NBEA: variants seen among roughly 807,000 people sequenced by gnomAD.
The protein encoded by NBEA is neurobeachin, also known as lysosomal-trafficking regulator 2.
NBEA carries 44 observed loss-of-function variants against 343.4 expected under a neutral mutation model. That is an observed-to-expected ratio of 0.13 (90% CI 0.10 to 0.16). The LOEUF is 0.16. NBEA is among the 10% of genes least tolerant of loss of function. The pLI is 1.00. For synonymous variants in NBEA, 1,175 were observed against 1,238.7 expected, an observed-to-expected ratio of 0.95 and a Z score of 1.08; for missense variants, 2,555 against 3,631.3, an observed-to-expected ratio of 0.70 and a Z score of 7.62.
At chr13:35,272,273 A>G (rs1594028270) in intron 34 of NBEA, among the ~76,000 whole-genome samples, 1 of 152,216 alleles carries the variant, frequency 6.6e-6, no homozygotes, top group African/African-American at 2.4e-5. Context: ...TAAGTGAAGG[A>G]GAAATAAAAT....
intron 10 of NBEA, among the ~76,000 whole-genome samples, chr13:35,090,176 G>A (rs1296394534): frequency 1.3e-5 from 2 of 151,900 alleles, no homozygotes; most frequent in African/African-American, 2.4e-5. Context: ...AAAGGTTTAT[G>A]TAGTGTTCCT....
intron 39 of NBEA, 72 bp from the exon 40 acceptor site, chr13:35,452,020 A>G: frequency 1.9e-6 from 2 of 1,062,772 alleles, no homozygotes; most frequent in Non-Finnish European, 2.8e-6. Context: ...AAAGCAATCA[A>G]TTATTTATAA....
chr13:35,319,670 T>C (rs1000508224), intron 36 of NBEA, among the ~76,000 whole-genome samples: 4 of 152,214 alleles, frequency 2.6e-5, no homozygotes, highest in Non-Finnish European at 4.4e-5. Context: ...CTCGTTGATA[T>C]GTCTAATATT....
chr13:35,440,143 G>A (rs552301629), intron 39 of NBEA, among the ~76,000 whole-genome samples: 1 of 152,344 alleles, frequency 6.6e-6, no homozygotes, highest in East Asian at 1.9e-4. Flanking sequence ...GCCTCCCAAA[G>A]TGCTGGGGTT....
chr13:35,296,075 A>G (rs541437785), intron 35 of NBEA, among the ~76,000 whole-genome samples: 1 of 152,182 alleles, frequency 6.6e-6, no homozygotes, highest in Non-Finnish European at 1.5e-5. Context: ...ATAAACAAAA[A>G]GTTCTGACCT....
chr13:35,491,901 C>T (rs899428480), intron 41 of NBEA, among the ~76,000 whole-genome samples: 1 of 151,964 alleles, frequency 6.6e-6, no homozygotes. Flanking sequence ...TAGTGGACAA[C>T]AGTTCAGCTA....
chr13:35,604,790 A>G (rs1236874666), intron 47 of NBEA, among the ~76,000 whole-genome samples: 1 of 151,902 alleles, frequency 6.6e-6, no homozygotes, highest in African/African-American at 2.4e-5. Context: ...ACCATTCCAT[A>G]TAACTCCCTG....
At chr13:35,425,510 G>C (rs1046315653) in intron 38 of NBEA, among the ~76,000 whole-genome samples, 187 of 152,322 alleles carry the variant, frequency 1.2e-3, no homozygotes, top group African/African-American at 4.4e-3. Context: ...CGGTCTGAGA[G>C]ACAGTTTGTT....
intron 34 of NBEA, among the ~76,000 whole-genome samples, chr13:35,279,066 G>T (rs2034856982): frequency 6.6e-6 from 1 of 152,118 alleles, no homozygotes; most frequent in Admixed American, 6.5e-5. Context: ...CAGCTCTGGA[G>T]AATTGATTTT....
intron 36 of NBEA, among the ~76,000 whole-genome samples, chr13:35,336,808 G>C (rs1322827087): frequency 6.6e-6 from 1 of 152,048 alleles, no homozygotes; most frequent in Admixed American, 6.6e-5. Flanking sequence ...ATAAGTGGGA[G>C]CTAAACAATG....
chr13:35,496,662 A>C (rs998473301), intron 41 of NBEA, among the ~76,000 whole-genome samples: 1 of 151,628 alleles, frequency 6.6e-6, no homozygotes, highest in African/African-American at 2.4e-5. Flanking sequence ...AATAGAAAAG[A>C]AAAGAAAAAG....
intron 34 of NBEA, among the ~76,000 whole-genome samples, chr13:35,268,396 T>G (rs2033862776): frequency 6.6e-6 from 1 of 151,922 alleles, no homozygotes. Flanking sequence ...AAAGTTTCAG[T>G]TTTACAAAAT....
At chr13:35,487,891 C>T (rs1212949015) in intron 41 of NBEA, among the ~76,000 whole-genome samples, 2 of 151,810 alleles carry the variant, frequency 1.3e-5, no homozygotes, top group African/African-American at 2.4e-5. Flanking sequence ...TCTTCAAGTA[C>T]GGTGCCTAGA....
At chr13:35,130,258 T>C (rs1195899006) in intron 17 of NBEA, among the ~76,000 whole-genome samples, 1 of 151,882 alleles carries the variant, frequency 6.6e-6, no homozygotes, top group Non-Finnish European at 1.5e-5. Context: ...AAGGGTAAAG[T>C]GGTAGGGAAA....
chr13:35,217,108 T>G (rs2074106484), intron 33 of NBEA, among the ~76,000 whole-genome samples: 1 of 151,976 alleles, frequency 6.6e-6, no homozygotes, highest in South Asian at 2.1e-4. Flanking sequence ...TGGTCTGAAT[T>G]TGCATTTTCC....
intron 58 of NBEA, among the ~76,000 whole-genome samples, chr13:35,670,282 G>A (rs1051634324): frequency 3.3e-5 from 5 of 152,108 alleles, no homozygotes; most frequent in African/African-American, 1.2e-4. Context: ...GGAGGGAGAG[G>A]GAGAGGAGAC....
chr13:35,158,444 C>CA (rs540490749), intron 21 of NBEA, among the ~76,000 whole-genome samples: 10 of 148,498 alleles, frequency 6.7e-5, no homozygotes, highest in Non-Finnish European at 1.2e-4. Context: ...GGTCTTTGTG[C>CA]AAAAAAAAAG....
intron 35 of NBEA, among the ~76,000 whole-genome samples, chr13:35,308,977 A>G (rs1013837745): frequency 1.3e-5 from 2 of 151,478 alleles, no homozygotes; most frequent in Non-Finnish European, 3.0e-5. Flanking sequence ...ACTTTTTTTT[A>G]CAATTTTCAA....
intron 1 of NBEA, among the ~76,000 whole-genome samples, chr13:35,016,442 C>T (rs2061660140): frequency 6.6e-6 from 1 of 152,082 alleles, no homozygotes. Flanking sequence ...TTTGACAACT[C>T]ATTTGTTGAG....
Sources: gnomAD v4.1 joint callset for allele counts (sites outside exome capture counted in the v4.1 genomes callset) on GRCh38, gnomAD v4.1.1 for gene constraint, MANE v1.5 for transcripts, NCBI Gene and HGNC (gene_info 2026-07-23, HGNC 2026-07-21) for gene names.